Variants in GLT8D2 observed in about 807,000 individuals in gnomAD.
GLT8D2 encodes the protein glycosyltransferase 8 domain containing 2.
Under a neutral mutation model 44.5 loss-of-function variants are expected in GLT8D2, and 45 were observed. The observed-to-expected ratio is 1.01, with a 90% CI of 0.80 to 1.30. The LOEUF (loss-of-function observed/expected upper bound fraction) is 1.30. Ranked by LOEUF, GLT8D2 falls within the 50% of genes most tolerant of loss-of-function variation. The pLI, the probability that GLT8D2 is intolerant of heterozygous loss-of-function variation, is 0.00. For missense variants in GLT8D2, 400 were observed against 430.4 expected (o/e 0.93, Z 0.62); for synonymous variants, 156 against 157.2 (o/e 0.99, Z 0.06).
chr12:103,996,942 G>T, intron 7 of GLT8D2, 95 bp from the exon 8 acceptor site: 1 of 752,584 alleles, frequency 1.3e-6, no homozygotes, highest in Non-Finnish European at 2.2e-6. Flanking sequence ...TTTTGCTATG[G>T]GAGAAGAGTA....
chr12:104,042,932 G>A (rs1880716247), intron 1 of GLT8D2, among the ~76,000 whole-genome samples: 1 of 152,212 alleles, frequency 6.6e-6, no homozygotes, highest in South Asian at 2.1e-4. Context: ...GGAACCAAGA[G>A]AAACTGGAAT....
At chr12:104,026,659 A>G (rs957901166) in intron 1 of GLT8D2, among the ~76,000 whole-genome samples, 1 of 152,198 alleles carries the variant, frequency 6.6e-6, no homozygotes, top group African/African-American at 2.4e-5. Context: ...AGATGACAAC[A>G]TTCATTTTAC....
chr12:103,990,309 T>C (rs1005523926), intron 10 of GLT8D2, among the ~76,000 whole-genome samples: 1 of 151,866 alleles, frequency 6.6e-6, no homozygotes, highest in African/African-American at 2.4e-5. Context: ...AATGGCAACA[T>C]TTGCTTTTGA....
At chr12:104,029,900 A>G (rs1231989886) in intron 1 of GLT8D2, 1 of 152,202 alleles carries the variant, frequency 6.6e-6, no homozygotes, top group Admixed American at 6.6e-5. Flanking sequence ...AACATTGTCA[A>G]AATGTCTATA....
chr12:103,993,597 A>G, intron 9 of GLT8D2, 93 bp from the exon 10 acceptor site: 1 of 783,658 alleles, frequency 1.3e-6, no homozygotes, highest in Non-Finnish European at 2.0e-6. Context: ...GTAAGACATT[A>G]TCTCACTATG....
chr12:104,016,751 GAA>G (rs1255552510), intron 3 of GLT8D2, among the ~76,000 whole-genome samples: 5 of 101,844 alleles, frequency 4.9e-5, no homozygotes, highest in Non-Finnish European at 1.0e-4. Context: ...AAGAAAGAAA[GAA>G]AGAAAGAAAG....
At chr12:104,035,085 G>A (rs964521015) in intron 1 of GLT8D2, among the ~76,000 whole-genome samples, 2 of 152,226 alleles carry the variant, frequency 1.3e-5, no homozygotes, top group African/African-American at 4.8e-5. Flanking sequence ...CTGACTGTTA[G>A]AAGGAAAACT....
At chr12:104,048,382 C>T (rs1419175281) in intron 1 of GLT8D2, among the ~76,000 whole-genome samples, 1 of 152,196 alleles carries the variant, frequency 6.6e-6, no homozygotes, top group Admixed American at 6.5e-5. Context: ...GCTATTATGC[C>T]TTGCGATCTC....
chr12:104,019,828 A>G (rs1877394210), intron 2 of GLT8D2, among the ~76,000 whole-genome samples, 152 bp from the exon 3 acceptor site: 1 of 152,208 alleles, frequency 6.6e-6, no homozygotes. Context: ...TTGGAAACAA[A>G]ATAAATACTA....
chr12:104,005,607 A>G (rs1874884433), intron 4 of GLT8D2, among the ~76,000 whole-genome samples: 1 of 152,252 alleles, frequency 6.6e-6, no homozygotes, highest in Admixed American at 6.5e-5. Context: ...GAAGACATTT[A>G]TGCAACCAAC....
At chr12:103,996,277 AG>A (rs1278956723) in intron 8 of GLT8D2, among the ~76,000 whole-genome samples, 2 of 152,190 alleles carry the variant, frequency 1.3e-5, no homozygotes, top group African/African-American at 4.8e-5. Context: ...TTCTACTGGA[AG>A]GGGGATAAAA....
Position 104,033,521 on chromosome 12 carries a change from G to A in GLT8D2, c.-163-12030C>T, listed in dbSNP as rs75307978. Reference sequence around the variant, plus strand: ...AGAGGTGGGGAAATGGGGAAATGTCGGTCAAAGGGTACAAGCTTGCCGTTA... The same window carrying A: ...AGAGGTGGGGAAATGGGGAAATGTCAGTCAAAGGGTACAAGCTTGCCGTTA... On this transcript the variant is annotated intron_variant, in intron 1 of 10. Coordinates refer to ENST00000360814, the MANE Select transcript of GLT8D2 (RefSeq NM_001384711.1). 3.3e-5 allele frequency among the ~76,000 whole-genome samples: 5 copies of A among 151,992 alleles called. No individual in the cohort carries two copies. The South Asian group carries it at 6.2e-4, about 19-fold the overall frequency.
Position 103,997,530 on chromosome 12 carries a change from G to T in GLT8D2, c.408C>A (p.Asn136Lys). ...GTAGAGGGAGATAAAATCGAACAAA[G>T]TTCAGCTGTTAAAACGACAAAAGAA... ...SSRPELLQPL[N>K]FVRFYLPLLI... is the part of the protein sequence containing the mutation. The change falls in exon 7 of 11, where the codon AAC becomes AAA. Residue 136 changes from asparagine to lysine, a missense_variant. By Grantham distance (94) the Asn-to-Lys change is moderately conservative. Coordinates refer to ENST00000360814, the MANE Select transcript of GLT8D2 (RefSeq NM_001384711.1). The T allele has an allele frequency of 6.2e-7, 1 of 1,612,304 alleles. No individual in the cohort carries two copies. The highest frequency in any genetic ancestry group is 8.5e-7 in the Non-Finnish European group (1 of 1,178,356).
In GLT8D2 at chr12:103,991,575, T is replaced by C. The variant is rs529093753; in HGVS notation, c.880+1817A>G. On this transcript the variant is annotated intron_variant, in intron 10 of 10. Coordinates refer to ENST00000360814, the MANE Select transcript of GLT8D2 (RefSeq NM_001384711.1). The stretch of plus-strand genomic sequence containing the variant: ...CTTATTGATCTAAGCTCTGCATAAC[T>C]GTTCCTACACATATTTAAAAATAGA... Among the ~76,000 whole-genome samples the C allele has an allele frequency of 2.8e-4, 42 of 152,342 alleles. 1 individual carries two copies. In the South Asian group the frequency reaches 3.1e-3, roughly 11 times the overall value.
Position 103,993,476 on chromosome 12 carries a change from C to T in GLT8D2, c.796G>A (p.Gly266Arg). The change falls in exon 10 of 11, where the codon GGA becomes AGA. Residue 266 changes from glycine (G) to arginine (R), a missense_variant. Gly to Arg is a moderately radical substitution (Grantham distance 125). Transcript: ENST00000360814. Reference protein sequence around the residue: ...EENLYSSSLGGGVATSPMLIV... With the variant: ...EENLYSSSLGRGVATSPMLIV... ...AGCATTGGGGAGGTGGCCACCCCTCCTCCCAGGGAGCTGCTATAGAGGTTT... is the reference window on the plus strand; with the variant it reads ...AGCATTGGGGAGGTGGCCACCCCTCTTCCCAGGGAGCTGCTATAGAGGTTT... 6.2e-7 allele frequency: 1 copy of T among 1,609,674 alleles called. No individual in the cohort carries two copies. Among genetic ancestry groups the T allele is most frequent in the Non-Finnish European group, 8.5e-7 (1 of 1,178,236 alleles).
intron 4 of GLT8D2, chr12:104,014,494 T>A: frequency 1.7e-6 from 1 of 571,532 alleles, no homozygotes; most frequent in Non-Finnish European, 3.1e-6. Context: ...TGGTTCTCAG[T>A]GCAGCTGGGA....
At chr12:104,063,519 A>C (rs979656594) in intron 1 of GLT8D2, among the ~76,000 whole-genome samples, 15 of 152,204 alleles carry the variant, frequency 9.9e-5, no homozygotes, top group Non-Finnish European at 5.9e-5. Context: ...GCATTCCGGC[A>C]ACAGAGCCAG....
chr12:104,040,034 C>A (rs375308458), intron 1 of GLT8D2, among the ~76,000 whole-genome samples: 3 of 152,298 alleles, frequency 2.0e-5, no homozygotes, highest in Non-Finnish European at 2.9e-5. Flanking sequence ...TCTGAGCAAA[C>A]TATCACAAGG....
At chr12:104,041,865 G>A (rs746923906) in intron 1 of GLT8D2, among the ~76,000 whole-genome samples, 2 of 152,118 alleles carry the variant, frequency 1.3e-5, no homozygotes, top group Non-Finnish European at 2.9e-5. Flanking sequence ...ATCAAGGAGG[G>A]GCACCTGACC....
Sources: gnomAD v4.1 joint callset for allele counts (sites outside exome capture counted in the v4.1 genomes callset) on GRCh38, gnomAD v4.1.1 for gene constraint, MANE v1.5 for transcripts, NCBI Gene and HGNC (gene_info 2026-07-23, HGNC 2026-07-21) for gene names.